Variants in CPM observed in about 807,000 individuals in gnomAD.
CPM encodes renal carboxypeptidase.
A neutral mutation model predicts 46.4 loss-of-function variants in CPM; 35 were observed. The ratio of observed to expected loss-of-function variants is 0.75; its 90% CI spans 0.58 to 1.00. The LOEUF is 1.00. Among genes scored for constraint, CPM ranks in the 50% least tolerant of loss-of-function variants. CPM has a pLI of 0.00. For missense variants in CPM, 422 were observed against 530.4 expected (o/e 0.80, Z 2.01); for synonymous variants, 195 against 195.3 (o/e 1.00, Z 0.01).
rs1041644581 is a variant in CPM, at chr12:68,878,703, T to C, written c.259-6747A>G. ...GGTCTCCTGTTTAGTTGGCTTTGCA[T>C]GAATTAAACTCTTTCTCTATCGCAA... On this transcript the variant is annotated intron_variant, in intron 3 of 8. Coordinates refer to ENST00000551568, the MANE Select transcript of CPM (RefSeq NM_198320.5). Among the ~76,000 whole-genome samples, 20 of 152,262 alleles carry C rather than the reference T, an allele frequency of 1.3e-4. 1 individual carries two copies. Among genetic ancestry groups the C allele is most frequent in the Non-Finnish European group, 1.5e-5 (1 of 68,052 alleles).
At position 68,844,123 on chromosome 12, in the gene CPM, TTGTC is replaced by T. The variant is rs997440915; in HGVS notation, c.534-1798_534-1795del. On this transcript the variant is annotated intron_variant, in intron 5 of 5. Transcript: ENST00000551897. ...TCAACATGTTTATGGGTTATTAAAA[TTGTC>T]TGATTTCTTAGGTTCTTTATAGTAC... 19 of 207,564 alleles carry T rather than the reference TTGTC, an allele frequency of 9.2e-5. No homozygotes were observed. In the South Asian group the frequency reaches 1.9e-3, roughly 21 times the overall value. 12.9% of individuals were successfully genotyped at this position (207,564 alleles called of 1,614,324 possible).
chr12:68,925,500 C>T (rs183383236), intron 2 of CPM, among the ~76,000 whole-genome samples: 1 of 152,254 alleles, frequency 6.6e-6, no homozygotes, highest in African/African-American at 2.4e-5. Flanking sequence ...TAGAAACAAA[C>T]TAAATATTCA....
intron 2 of CPM, among the ~76,000 whole-genome samples, chr12:68,927,133 C>G (rs1362569407): frequency 6.6e-6 from 1 of 151,424 alleles, no homozygotes; most frequent in Non-Finnish European, 1.5e-5. Context: ...CCTGAGGAAT[C>G]GCCACACTGA....
chr12:68,921,895 T>C (rs962865814), intron 2 of CPM, among the ~76,000 whole-genome samples: 3 of 152,202 alleles, frequency 2.0e-5, no homozygotes, highest in Non-Finnish European at 4.4e-5. Flanking sequence ...TATATACTTA[T>C]GTATTATTTA....
intron 2 of CPM, among the ~76,000 whole-genome samples, chr12:68,891,956 C>T (rs747851837): frequency 9.9e-5 from 15 of 152,078 alleles, no homozygotes; most frequent in African/African-American, 3.6e-4. Context: ...AGGCTGGTCT[C>T]GAACTCCTGA....
At chr12:68,915,041 C>T (rs1887748303) in intron 2 of CPM, among the ~76,000 whole-genome samples, 1 of 152,078 alleles carries the variant, frequency 6.6e-6, no homozygotes, top group African/African-American at 2.4e-5. Context: ...CCCCAAATAC[C>T]TCTTTTTATT....
Position 68,856,401 on chromosome 12 carries a change from C to A in CPM, c.*36G>T. ...AACCTGGAGTGAGCAATCCCTGATT[C>A]CAGGTGGTGATGTGGGTTGAGTTTC... On this transcript the variant is annotated 3_prime_UTR_variant, in exon 9 of 9. Coordinates refer to ENST00000551568, the MANE Select transcript of CPM (RefSeq NM_198320.5). 1 of 1,594,890 alleles carries A rather than the reference C, an allele frequency of 6.3e-7. No homozygotes were observed. The highest frequency in any genetic ancestry group is 8.5e-7 in the Non-Finnish European group (1 of 1,169,814).
At chr12:68,909,602 A>G (rs1375695998) in intron 2 of CPM, among the ~76,000 whole-genome samples, 1 of 152,118 alleles carries the variant, frequency 6.6e-6, no homozygotes, top group Non-Finnish European at 1.5e-5. Context: ...TCCATCAATG[A>G]TAGACTGGAT....
At chr12:68,881,124 G>A (rs985404376) in intron 3 of CPM, among the ~76,000 whole-genome samples, 1 of 152,104 alleles carries the variant, frequency 6.6e-6, no homozygotes, top group South Asian at 2.1e-4. Flanking sequence ...AGTGTAGCCA[G>A]GTGAATTAGC....
chr12:68,853,716 A>T lies in CPM; in HGVS notation c.*2721T>A, dbSNP rs1296595317. On this transcript the variant is annotated 3_prime_UTR_variant, in exon 9 of 9. Coordinates refer to ENST00000551568, the MANE Select transcript of CPM (RefSeq NM_198320.5). Reference sequence around the variant, plus strand: ...ATTACTGTCACACTGGGGATTAAGTAAAAAAAAGAGAAAGAAGGATGGGAA... The same window carrying T: ...ATTACTGTCACACTGGGGATTAAGTTAAAAAAAGAGAAAGAAGGATGGGAA... 6.6e-6 allele frequency: 1 copy of T among 151,808 alleles called. No homozygotes were observed. The highest frequency in any genetic ancestry group is 1.5e-5 in the Non-Finnish European group (1 of 67,936). 9.4% of individuals were successfully genotyped at this position (151,808 alleles called of 1,614,324 possible).
chr12:68,846,345 C>T (rs1884296930), downstream of CPM: 1 of 152,186 alleles, frequency 6.6e-6, no homozygotes, highest in Non-Finnish European at 1.5e-5. Context: ...TCTTGGCTTC[C>T]CAAAGTGCTG....
intron 1 of CPM, among the ~76,000 whole-genome samples, chr12:68,962,178 C>G (rs867406995): frequency 2.2e-5 from 3 of 138,906 alleles, no homozygotes; most frequent in Non-Finnish European, 4.5e-5. Flanking sequence ...CCAGCCTGGG[C>G]GACAGAGCGA....
chr12:68,941,181 G>GTGTGTA (rs1380294885), intron 1 of CPM, among the ~76,000 whole-genome samples: 1 of 151,104 alleles, frequency 6.6e-6, no homozygotes, highest in Non-Finnish European at 1.5e-5. Context: ...GTGTGTGTGT[G>GTGTGTA]TGTGTGTGTG....
At chr12:68,843,850 T>G (rs770681512) in intron 5 of CPM, 2 of 217,018 alleles carry the variant, frequency 9.2e-6, no homozygotes, top group Non-Finnish European at 1.9e-5. Flanking sequence ...AAGCATTATT[T>G]GGAGTTGATA....
chr12:68,917,161 T>C (rs573656589), intron 2 of CPM, among the ~76,000 whole-genome samples: 1 of 152,228 alleles, frequency 6.6e-6, no homozygotes, highest in East Asian at 1.9e-4. Flanking sequence ...ATATGCTCCT[T>C]CACCTCCAGG....
chr12:68,898,152 C>T (rs914808894), intron 2 of CPM, among the ~76,000 whole-genome samples: 2 of 151,820 alleles, frequency 1.3e-5, no homozygotes, highest in Non-Finnish European at 2.9e-5. Flanking sequence ...CTGTGCCTGG[C>T]CTGGTGTTCT....
rs1441646806 is a variant in CPM at position 68,856,663 on chromosome 12, T to G, written c.1106A>C (p.His369Pro). ...AATCACCTTTGTGATGTGTGGATCA[T>G]GTCCAGGGACTGTAACCTGAGAAGA... The part of the protein sequence containing the change: ...SYIINVTVPG[H>P]DPHITKVIIP... Residue 369 changes from histidine to proline, a missense_variant, in exon 9 of 9, where the codon CAT becomes CCT. Transcript: ENST00000551568. 1 of 1,614,062 alleles carries G rather than the reference T, an allele frequency of 6.2e-7. No individual in the cohort carries two copies. Among genetic ancestry groups the G allele is most frequent in the African/African-American group, 1.3e-5 (1 of 74,922 alleles).
intron 2 of CPM, among the ~76,000 whole-genome samples, chr12:68,917,594 C>A (rs1375279619): frequency 2.6e-5 from 4 of 152,342 alleles, no homozygotes; most frequent in African/African-American, 7.2e-5. Flanking sequence ...GGAACACCTG[C>A]AGTCACAGCA....
intron 2 of CPM, among the ~76,000 whole-genome samples, chr12:68,927,296 G>A (rs1378569557): frequency 1.3e-5 from 2 of 151,004 alleles, no homozygotes; most frequent in African/African-American, 4.9e-5. Context: ...GTTTTGATTT[G>A]CATTTCTCTG....
Sources: gnomAD v4.1 joint callset for allele counts (sites outside exome capture counted in the v4.1 genomes callset) on GRCh38, gnomAD v4.1.1 for gene constraint, MANE v1.5 for transcripts, NCBI Gene and HGNC (gene_info 2026-07-23, HGNC 2026-07-21) for gene names.